The following NAV2 variants were observed in gnomAD, a reference collection of about 807,000 sequenced individuals.
The protein encoded by NAV2 is neuron navigator 2.
NAV2 carries 54 observed loss-of-function variants against 223.2 expected under a neutral mutation model. That is an observed-to-expected ratio of 0.24 (90% CI 0.19 to 0.30). NAV2 has a LOEUF of 0.30. Among genes scored for constraint, NAV2 ranks in the 10% least tolerant of loss-of-function variants. The pLI is 1.00. For synonymous variants in NAV2, 1,279 were observed against 1,239.3 expected (o/e 1.03, Z -0.67); for missense variants, 2,806 against 3,147.5 (o/e 0.89, Z 2.60).
chr11:19,878,999 C>T (rs1328829803), intron 4 of NAV2, among the ~76,000 whole-genome samples: 2 of 152,146 alleles, frequency 1.3e-5, no homozygotes, highest in Non-Finnish European at 2.9e-5. Context: ...AGTTTGCCCC[C>T]AAGGTTCCCT....
intron 1 of NAV2, among the ~76,000 whole-genome samples, chr11:19,653,423 G>T (rs114079541): frequency 1.3e-5 from 2 of 152,170 alleles, no homozygotes; most frequent in African/African-American, 4.8e-5. Flanking sequence ...TCTTCTAAGC[G>T]CCAGGCATTT....
intron 1 of NAV2, among the ~76,000 whole-genome samples, chr11:19,801,226 C>G (rs1396971350): frequency 6.6e-6 from 1 of 152,146 alleles, no homozygotes; most frequent in Non-Finnish European, 1.5e-5. Flanking sequence ...ACAGCAGGAC[C>G]CCATCCCAAT....
intron 1 of NAV2, among the ~76,000 whole-genome samples, chr11:19,534,225 T>C (rs1700845565): frequency 6.6e-6 from 1 of 152,116 alleles, no homozygotes; most frequent in African/African-American, 2.4e-5. Flanking sequence ...ATCGTGTTTA[T>C]TTGCTTATTT....
In NAV2 at chr11:19,847,094, C is replaced by T. The variant is rs138713720; in HGVS notation, c.438+4171C>T. 2.2e-3 allele frequency among the ~76,000 whole-genome samples: 342 copies of T among 152,284 alleles called. 1 individual carries two copies. The highest frequency in any genetic ancestry group is 3.4e-3 in the Middle Eastern group (1 of 294). On this transcript the variant is annotated intron_variant, in intron 3 of 37. Coordinates refer to ENST00000349880, the MANE Select transcript of NAV2 (RefSeq NM_145117.5). ...AACCAAGGGGCATCTCTTTGGCTTT[C>T]AAGTGGTGTGTTCAGCAGAGTTATC...
intron 1 of NAV2, chr11:19,760,187 G>A (rs1363664255): frequency 6.6e-6 from 1 of 152,204 alleles, no homozygotes; most frequent in East Asian, 1.9e-4. Flanking sequence ...CAGCATATCT[G>A]CTAGTGTGAG....
chr11:19,609,953 C>G (rs1335132623), intron 1 of NAV2, among the ~76,000 whole-genome samples: 1 of 152,206 alleles, frequency 6.6e-6, no homozygotes, highest in Admixed American at 6.5e-5. Context: ...AACTAATCCT[C>G]TCAACAGTTT....
At chr11:19,499,853 C>A (rs554851133) in intron 1 of NAV2, among the ~76,000 whole-genome samples, 94 of 152,140 alleles carry the variant, frequency 6.2e-4, no homozygotes, top group Non-Finnish European at 1.1e-3. Context: ...TTATGTTTAT[C>A]TCCTATCCCT....
Position 19,868,994 on chromosome 11 carries a change from G to A in NAV2, c.508G>A (p.Glu170Lys). The A allele has an allele frequency of 6.2e-7, 1 of 1,613,886 alleles. No individual in the cohort carries two copies. The highest frequency in any genetic ancestry group is 8.5e-7 in the Non-Finnish European group (1 of 1,179,896). The change falls in exon 4 of 38, where the codon GAA becomes AAA. Residue 170 changes from glutamate (E) to lysine (K), a missense_variant. Glu to Lys is a moderately conservative substitution (Grantham distance 56). Transcript: ENST00000349880. ...KGINIQGLSAEEIRNGNLKAI... is the reference protein window; with the variant it reads ...KGINIQGLSAKEIRNGNLKAI... ...AATAAACATCCAGGGGCTGTCTGCA[G>A]AAGGTGAGTCAGAGCGCTTGTCACG... is the stretch of plus-strand genomic sequence containing the variant.
rs749326747 is a variant in NAV2 at position 19,566,100 on chromosome 11, G to A, written c.75+215073G>A. On this transcript the variant is annotated intron_variant, in intron 1 of 37. Coordinates refer to the NAV2 transcript ENST00000360655. ...TTATTTTTTTGTGAAACAGGGCTTC[G>A]CTCTGTCACCCAAGCTGGAGTGCAG... Among the ~76,000 whole-genome samples the A allele has an allele frequency of 3.9e-5, 5 of 129,326 alleles. No individual in the cohort carries two copies. The East Asian group carries it at 1.1e-3, about 28-fold the overall frequency. 84.8% of individuals were successfully genotyped at this position (129,326 alleles called of 152,430 possible).
intron 3 of NAV2, among the ~76,000 whole-genome samples, chr11:19,863,862 T>C (rs899674552): frequency 1.3e-5 from 2 of 152,194 alleles, no homozygotes; most frequent in African/African-American, 4.8e-5. Flanking sequence ...CACCAGCACA[T>C]TGCTTGACAC....
At chr11:19,896,118 A>T (rs2041964654) in intron 6 of NAV2, among the ~76,000 whole-genome samples, 1 of 152,172 alleles carries the variant, frequency 6.6e-6, no homozygotes, top group East Asian at 1.9e-4. Flanking sequence ...TGACTGTGTC[A>T]GGATCTGGCA....
At chr11:20,030,236 T>C (rs1337605451) in intron 11 of NAV2, among the ~76,000 whole-genome samples, 1 of 152,130 alleles carries the variant, frequency 6.6e-6, no homozygotes, top group East Asian at 1.9e-4. Flanking sequence ...CAAAACCTGG[T>C]GAGGAGAGAA....
rs143872209 is a variant in NAV2, at chr11:19,553,417, G to A, written c.75+202390G>A. ...TTGGAAGGAGTAAGAGAGATATGGGGGCCTACCCCTGCTTTAGTTCATCCT... is the reference window on the plus strand; with the variant it reads ...TTGGAAGGAGTAAGAGAGATATGGGAGCCTACCCCTGCTTTAGTTCATCCT... On this transcript the variant is annotated intron_variant, in intron 1 of 37. Transcript: ENST00000360655. Among the ~76,000 whole-genome samples, 44 of 152,240 alleles carry A rather than the reference G, an allele frequency of 2.9e-4. 1 individual carries two copies. In the East Asian group the frequency reaches 8.3e-3, roughly 29 times the overall value.
In NAV2 at chr11:20,103,360, T is replaced by G; in HGVS notation, c.6523T>G (p.Ser2175Ala). The change falls in exon 33 of 38, where the codon TCT (serine) becomes GCT (alanine). Residue 2175 changes from serine to alanine, a missense_variant. By Grantham distance (99) the Ser-to-Ala change is moderately conservative (BLOSUM62 1). This residue lies in a region of NAV2 where 824 missense variants were observed against 1,069.4 expected (regional missense o/e 0.77). Transcript: ENST00000349880. Reference sequence around the variant, plus strand: ...CCTGGACAACCTACACCACGTGAGCTCTCTGGGAGAGATCTTCAATGGGCT... The same window carrying G: ...CCTGGACAACCTACACCACGTGAGCGCTCTGGGAGAGATCTTCAATGGGCT... ...IILDNLHHVS[S>A]LGEIFNGLLN... The G allele has an allele frequency of 1.2e-6, 2 of 1,614,072 alleles. No homozygotes were observed. Among genetic ancestry groups the G allele is most frequent in the Non-Finnish European group, 1.7e-6 (2 of 1,179,958 alleles).
At chr11:19,736,098 T>A (rs962246285) in intron 1 of NAV2, among the ~76,000 whole-genome samples, 4 of 152,174 alleles carry the variant, frequency 2.6e-5, no homozygotes, top group African/African-American at 9.7e-5. Context: ...TTGTGACAGT[T>A]CAAAACATGC....
At chr11:19,877,826 G>A (rs1446274459) in intron 4 of NAV2, among the ~76,000 whole-genome samples, 1 of 152,058 alleles carries the variant, frequency 6.6e-6, no homozygotes, top group Non-Finnish European at 1.5e-5. Context: ...GGTGACTATA[G>A]ATATGTCACT....
In NAV2 at chr11:19,428,813, G is replaced by A. The variant is rs149800238; in HGVS notation, c.75+77786G>A. On this transcript the variant is annotated intron_variant, in intron 1 of 37. Coordinates refer to the NAV2 transcript ENST00000360655. ...GTTAACTTGTGAAATGAGCAGAGGT[G>A]TACAAGCTGATTGTGGGAAACTTCT... 2.7e-3 allele frequency among the ~76,000 whole-genome samples: 411 copies of A among 152,338 alleles called. 2 individuals carry two copies. The highest frequency in any genetic ancestry group is 9.8e-3 in the South Asian group (47 of 4,820).
intron 1 of NAV2, among the ~76,000 whole-genome samples, chr11:19,721,072 TGGTA>T (rs2050710950): frequency 6.6e-6 from 1 of 152,254 alleles, no homozygotes; most frequent in Non-Finnish European, 1.5e-5. Context: ...GGAGCACAGC[TGGTA>T]GGTAGACCCA....
At chr11:19,895,100 C>CTTTTTTTT (rs1273722638) in intron 6 of NAV2, among the ~76,000 whole-genome samples, 1 of 105,084 alleles carries the variant, frequency 9.5e-6, no homozygotes, top group Non-Finnish European at 2.0e-5. Flanking sequence ...TTTTCTTTTT[C>CTTTTTTTT]TTTCTTTTTT....
Sources: gnomAD v4.1 joint callset for allele counts (sites outside exome capture counted in the v4.1 genomes callset) on GRCh38, gnomAD v4.1.1 for gene constraint, gnomAD v4.1.1 regional missense constraint, MANE v1.5 for transcripts, NCBI Gene and HGNC (gene_info 2026-07-23, HGNC 2026-07-21) for gene names.